The following C3orf20 variants were observed in gnomAD, a reference collection of about 807,000 sequenced individuals.
The protein encoded by C3orf20 is uncharacterized protein C3orf20.
C3orf20 carries 76 observed loss-of-function variants against 88.3 expected under a neutral mutation model. The observed-to-expected ratio is 0.86, with a 90% CI of 0.72 to 1.04. The LOEUF (loss-of-function observed/expected upper bound fraction) is 1.04. C3orf20 is among the 50% of genes least tolerant of loss of function. C3orf20 has a pLI of 0.00. For synonymous variants in C3orf20, 436 were observed against 437.4 expected (o/e 1.00, Z 0.04); for missense variants, 1,056 against 1,123.3 (o/e 0.94, Z 0.86).
At chr3:14,743,517 T>C (rs777228223) in intron 12 of C3orf20, among the ~76,000 whole-genome samples, 3 of 151,996 alleles carry the variant, frequency 2.0e-5, no homozygotes, top group Non-Finnish European at 4.4e-5. Context: ...TTCTGGGGTC[T>C]GGAGGACAAT....
In C3orf20 at chr3:14,757,744, C is replaced by T. The variant is rs980566498; in HGVS notation, c.2244+70C>T. The stretch of plus-strand genomic sequence containing the variant: ...GGTAGTGGGGCAGTCCGAGAAAACC[C>T]CCACAGTGCTAGGACTGGCTGAGCA... On this transcript the variant is annotated intron_variant, in intron 13 of 16. Coordinates refer to ENST00000253697, the MANE Select transcript of C3orf20 (RefSeq NM_032137.5). The T allele has an allele frequency of 1.5e-5, 21 of 1,445,362 alleles. No homozygotes were observed. In the African/African-American group the frequency reaches 2.7e-4, roughly 18 times the overall value. The allele number at this position is 1,445,362 out of a possible 1,614,324, so 89.5% of individuals were successfully genotyped here.
chr3:14,721,701 G>C lies in C3orf20; in HGVS notation c.1483G>C (p.Val495Leu), dbSNP rs1463947806. 7 of 1,614,176 alleles carry C rather than the reference G, an allele frequency of 4.3e-6. No individual in the cohort carries two copies. Among genetic ancestry groups the C allele is most frequent in the Non-Finnish European group, 5.9e-6 (7 of 1,180,026 alleles). The change falls in exon 10 of 17, where the codon GTC (valine) becomes CTC (leucine). Residue 495 changes from valine to leucine, a missense_variant. Val to Leu is a conservative substitution (Grantham distance 32). Transcript: ENST00000253697. ...LKVLGQDSIT[V>L]TFTSLNETVT... Reference sequence around the variant, plus strand: ...GGTACTGGGACAGGACTCCATCACAGTCACCTTCACCTCCCTGAATGAGAC... The same window carrying C: ...GGTACTGGGACAGGACTCCATCACACTCACCTTCACCTCCCTGAATGAGAC...
intron 13 of C3orf20, among the ~76,000 whole-genome samples, chr3:14,759,008 G>A (rs1029415040): frequency 2.0e-5 from 3 of 152,178 alleles, no homozygotes; most frequent in African/African-American, 2.4e-5. Flanking sequence ...GTCGTTGTTC[G>A]CTAACAGTTG....
intron 3 of C3orf20, 103 bp from the exon 4 acceptor site, chr3:14,684,139 C>T (rs759829033): frequency 8.1e-6 from 12 of 1,481,390 alleles, no homozygotes; most frequent in Non-Finnish European, 1.1e-5. Context: ...AGGAATAGCG[C>T]TCTACTCTAC....
At position 14,772,901 on chromosome 3, in the gene C3orf20, G is replaced by T; in HGVS notation, c.*26G>T. On this transcript the variant is annotated 3_prime_UTR_variant, in exon 17 of 17. Coordinates refer to ENST00000253697, the MANE Select transcript of C3orf20 (RefSeq NM_032137.5). The surrounding 1 kb of genome is among the most constrained non-coding windows in gnomAD (Gnocchi z 4.2). ...CGCCATCCTGGCAGCAGCCAAGTGAGCCAGGCCCCGGCCCGGGGTGCTGGG... is the reference window on the plus strand; with the variant it reads ...CGCCATCCTGGCAGCAGCCAAGTGATCCAGGCCCCGGCCCGGGGTGCTGGG... 6.3e-7 allele frequency: 1 copy of T among 1,594,158 alleles called. No homozygotes were observed. Among genetic ancestry groups the T allele is most frequent in the Non-Finnish European group, 8.6e-7 (1 of 1,162,704 alleles).
rs1235261959 is a variant in C3orf20, at chr3:14,701,125, G to T, written c.746-2005G>T. 6.6e-6 allele frequency among the ~76,000 whole-genome samples: 1 copy of T among 152,232 alleles called. No homozygotes were observed. The highest frequency in any genetic ancestry group is 2.4e-5 in the African/African-American group (1 of 41,462). Reference sequence around the variant, plus strand: ...AGATGCTCCAGGTGGCCTGCTAGCAGGTCGCTGGACCTCAGGCCCTAGGCT... The same window carrying T: ...AGATGCTCCAGGTGGCCTGCTAGCATGTCGCTGGACCTCAGGCCCTAGGCT... On this transcript the variant is annotated intron_variant, in intron 5 of 16. Coordinates refer to ENST00000253697, the MANE Select transcript of C3orf20 (RefSeq NM_032137.5). The surrounding 1 kb of genome is among the most constrained non-coding windows in gnomAD (Gnocchi z 4.6).
chr3:14,721,783 G>C lies in C3orf20; in HGVS notation c.1565G>C (p.Arg522Pro). 1 of 1,614,092 alleles carries C rather than the reference G, an allele frequency of 6.2e-7. No homozygotes were observed. The highest frequency in any genetic ancestry group is 8.5e-7 in the Non-Finnish European group (1 of 1,179,984). The change falls in exon 10 of 17, where the codon CGG becomes CCG. Residue 522 changes from arginine to proline, a missense_variant and splice_region_variant. Coordinates refer to ENST00000253697, the MANE Select transcript of C3orf20 (RefSeq NM_032137.5). ...CCCCATGGAATGGCATATGACAAAC[G>C]GGTAAGGCAAGGCAGACTATGCACC... Reference protein sequence around the residue: ...NCPHGMAYDKRLNRRISNMDD... With the variant: ...NCPHGMAYDKPLNRRISNMDD...
intron 12 of C3orf20, among the ~76,000 whole-genome samples, chr3:14,735,597 A>G (rs1159258556): frequency 6.9e-6 from 1 of 145,244 alleles, no homozygotes; most frequent in Non-Finnish European, 1.5e-5. Context: ...ACTATTATGA[A>G]TTTTTTTTTT....
chr3:14,742,379 C>G (rs1335944022), intron 12 of C3orf20, among the ~76,000 whole-genome samples: 1 of 152,098 alleles, frequency 6.6e-6, no homozygotes, highest in Non-Finnish European at 1.5e-5. Context: ...CAAATGTATC[C>G]CCATCAGGGT....
intron 12 of C3orf20, among the ~76,000 whole-genome samples, chr3:14,756,190 A>G (rs1362448791): frequency 1.3e-5 from 2 of 151,046 alleles, no homozygotes; most frequent in African/African-American, 4.9e-5. Flanking sequence ...TTAGCATTTT[A>G]CAGTATCCAC....
intron 12 of C3orf20, among the ~76,000 whole-genome samples, chr3:14,742,252 G>A (rs577651528): frequency 6.6e-6 from 1 of 152,278 alleles, no homozygotes; most frequent in Admixed American, 6.5e-5. Flanking sequence ...AATTTACGGA[G>A]GACTTTTAGA....
intron 5 of C3orf20, among the ~76,000 whole-genome samples, chr3:14,702,472 A>T (rs1208215469): frequency 7.6e-6 from 1 of 131,096 alleles, no homozygotes; most frequent in Non-Finnish European, 1.6e-5. Flanking sequence ...TTGGAGTCTC[A>T]CTCTGTCACC....
intron 12 of C3orf20, among the ~76,000 whole-genome samples, chr3:14,730,236 T>C (rs991149747): frequency 2.6e-5 from 4 of 152,226 alleles, no homozygotes; most frequent in Non-Finnish European, 5.9e-5. Flanking sequence ...TAGTTTCTTC[T>C]TTTTCATTAT....
At chr3:14,686,193 C>CGT (rs58844982) in intron 4 of C3orf20, among the ~76,000 whole-genome samples, 34 of 149,592 alleles carry the variant, frequency 2.3e-4, no homozygotes, top group African/African-American at 4.2e-4. Flanking sequence ...GAATCATATT[C>CGT]GTGTGTGTGT....
At chr3:14,748,506 T>A (rs1483388983) in intron 12 of C3orf20, among the ~76,000 whole-genome samples, 1 of 152,174 alleles carries the variant, frequency 6.6e-6, no homozygotes, top group Non-Finnish European at 1.5e-5. Context: ...GCTTTGGGTT[T>A]AGTTTGTTCT....
intron 3 of C3orf20, 52 bp downstream of exon 3, chr3:14,683,249 G>C: frequency 6.6e-7 from 1 of 1,513,834 alleles, no homozygotes; most frequent in Non-Finnish European, 8.8e-7. Flanking sequence ...ACAGACGGGC[G>C]TCTCAGAGGC....
chr3:14,727,207 C>T (rs1444705120), intron 11 of C3orf20, among the ~76,000 whole-genome samples, 183 bp downstream of exon 11: 1 of 152,190 alleles, frequency 6.6e-6, no homozygotes, highest in Non-Finnish European at 1.5e-5. Flanking sequence ...GCTCAGGTCA[C>T]TTAAGGCCAC....
intron 5 of C3orf20, among the ~76,000 whole-genome samples, chr3:14,695,446 G>A (rs1424726524): frequency 6.6e-6 from 1 of 151,906 alleles, no homozygotes; most frequent in East Asian, 1.9e-4. Context: ...CACGTGCTAA[G>A]GAAAAGAATG....
At chr3:14,689,883 C>T in intron 4 of C3orf20, 114 bp from the exon 5 acceptor site, 1 of 1,395,750 alleles carries the variant, frequency 7.2e-7, no homozygotes, top group Non-Finnish European at 9.9e-7. Flanking sequence ...CAATGCGGCA[C>T]TTTACAGTAT....
Sources: gnomAD v4.1 joint callset for allele counts (sites outside exome capture counted in the v4.1 genomes callset) on GRCh38, gnomAD v4.1.1 for gene constraint, Gnocchi (gnomAD v3.1) non-coding constraint, MANE v1.5 for transcripts, NCBI Gene and HGNC (gene_info 2026-07-23, HGNC 2026-07-21) for gene names.